Variants in ALK observed in about 807,000 individuals in gnomAD.
The protein encoded by ALK is ALK tyrosine kinase receptor.
Under a neutral mutation model 163.1 loss-of-function variants are expected in ALK, and 74 were observed. That is an observed-to-expected ratio of 0.45 (90% confidence interval 0.38 to 0.55). The LOEUF (loss-of-function observed/expected upper bound fraction) is 0.55. Ranked by LOEUF, ALK falls within the 20% of genes least tolerant of loss-of-function variation. The pLI is 0.00. For missense variants in ALK, 2,063 were observed against 2,105.3 expected (o/e 0.98, Z 0.39); for synonymous variants, 960 against 843.2 (o/e 1.14, Z -2.40).
intron 1 of ALK, among the ~76,000 whole-genome samples, chr2:29,849,392 G>C (rs1187711001): frequency 6.6e-6 from 1 of 152,202 alleles, no homozygotes; most frequent in Non-Finnish European, 1.5e-5. Flanking sequence ...GGTAAGAAGA[G>C]GGACTACCCA....
chr2:29,478,031 CCTT>C (rs1293387084), intron 4 of ALK, among the ~76,000 whole-genome samples: 2 of 152,230 alleles, frequency 1.3e-5, no homozygotes, highest in Non-Finnish European at 1.5e-5. Context: ...AAAGCACTGT[CCTT>C]CTTGATGTAT....
Position 29,913,693 on chromosome 2 carries a change from T to G in ALK, c.667+6300A>C, listed in dbSNP as rs535119549. ...CCACCATGTACAAAATGTTCTGTGG[T>G]TCTTAGCCTCTTTTTTTAGATTGAG... On this transcript the variant is annotated intron_variant, in intron 1 of 28. Coordinates refer to ENST00000389048, the MANE Select transcript of ALK (RefSeq NM_004304.5). Among the ~76,000 whole-genome samples the G allele has an allele frequency of 1.1e-4, 17 of 152,278 alleles. No individual in the cohort carries two copies. In the South Asian group the frequency reaches 3.5e-3, roughly 32 times the overall value.
chr2:29,316,765 CA>C (rs1169225144), intron 8 of ALK, among the ~76,000 whole-genome samples: 1 of 152,094 alleles, frequency 6.6e-6, no homozygotes, highest in African/African-American at 2.4e-5. Flanking sequence ...TTCTCAAACA[CA>C]ATTTAATTTA....
chr2:29,525,778 C>G (rs1573429329), intron 4 of ALK, among the ~76,000 whole-genome samples: 2 of 100,430 alleles, frequency 2.0e-5, no homozygotes, highest in Admixed American at 1.6e-4. Context: ...GTGACAAGAG[C>G]AAGACTCCAT....
chr2:29,627,195 G>A lies in ALK; in HGVS notation c.952+67655C>T, dbSNP rs184154308. ...ACAGCCGCATTTTCTAGACCACCAC[G>A]GTTCTGTTTTGTAAAAGATTTCTCT... On this transcript the variant is annotated intron_variant, in intron 3 of 28. Transcript: ENST00000389048. 7.2e-4 allele frequency among the ~76,000 whole-genome samples: 109 copies of A among 152,230 alleles called. No homozygotes were observed. The South Asian group carries it at 9.3e-3, about 13-fold the overall frequency.
Position 29,496,159 on chromosome 2 carries a change from A to C in ALK, c.1154+35756T>G, listed in dbSNP as rs530357515. On this transcript the variant is annotated intron_variant, in intron 4 of 28. Coordinates refer to ENST00000389048, the MANE Select transcript of ALK (RefSeq NM_004304.5). The stretch of plus-strand genomic sequence containing the variant: ...TTTTAAACACTGTAATGTTCTTTAT[A>C]AAATGCAAAAGATTATAGCTATTCA... Among the ~76,000 whole-genome samples the C allele has an allele frequency of 9.8e-4, 149 of 152,380 alleles. 1 individual carries two copies. Among genetic ancestry groups the C allele is most frequent in the South Asian group, 2.5e-3 (12 of 4,830 alleles).
intron 15 of ALK, 26 bp from the exon 16 acceptor site, chr2:29,229,092 G>C: frequency 1.2e-6 from 2 of 1,608,996 alleles, no homozygotes; most frequent in Middle Eastern, 1.7e-4. Context: ...GGGAACCTGC[G>C]TGAGGATGCT....
At chr2:29,259,275 A>G in intron 11 of ALK, among the ~76,000 whole-genome samples, 1 of 152,116 alleles carries the variant, frequency 6.6e-6, no homozygotes, top group South Asian at 2.1e-4. Context: ...TTTTTTTTGT[A>G]TATGTTCTTT....
At chr2:29,754,556 G>T (rs1316066049) in intron 1 of ALK, among the ~76,000 whole-genome samples, 1 of 152,074 alleles carries the variant, frequency 6.6e-6, no homozygotes, top group Non-Finnish European at 1.5e-5. Context: ...CAGATGTGGT[G>T]GTGCATGCCT....
At chr2:29,531,721 G>C (rs1277408343) in intron 4 of ALK, among the ~76,000 whole-genome samples, 194 bp downstream of exon 4, 1 of 152,152 alleles carries the variant, frequency 6.6e-6, no homozygotes, top group Non-Finnish European at 1.5e-5. Context: ...CCACTAGCCA[G>C]GGAAGTCAGA....
intron 3 of ALK, among the ~76,000 whole-genome samples, chr2:29,614,271 T>C (rs1194837602): frequency 6.6e-6 from 1 of 152,222 alleles, no homozygotes; most frequent in African/African-American, 2.4e-5. Context: ...ATCCCAGCTC[T>C]GCCACTTGCC....
Position 29,532,006 on chromosome 2 carries a change from G to A in ALK, c.1063C>T (p.Leu355=). ...CTLAVSVHRH[L]QPSGRYIAQL... is the part of the protein sequence containing the mutation. ...GCAATGTACCTTCCAGAGGGCTGCAGGTGCCTGTGCACCGAGACGGCCAGT... is the reference window on the plus strand; with the variant it reads ...GCAATGTACCTTCCAGAGGGCTGCAAGTGCCTGTGCACCGAGACGGCCAGT... The change falls in exon 4 of 29, where the codon CTG becomes TTG. Residue 355 remains leucine, a synonymous_variant. Coordinates refer to ENST00000389048, the MANE Select transcript of ALK (RefSeq NM_004304.5). 6.2e-7 allele frequency: 1 copy of A among 1,614,190 alleles called. No individual in the cohort carries two copies. The highest frequency in any genetic ancestry group is 1.1e-5 in the South Asian group (1 of 91,078).
At chr2:29,534,775 C>A (rs1673209371) in intron 3 of ALK, among the ~76,000 whole-genome samples, 1 of 152,204 alleles carries the variant, frequency 6.6e-6, no homozygotes, top group Admixed American at 6.5e-5. Context: ...TCCTCTCCAC[C>A]CTTGGGTGTG....
At chr2:29,785,520 G>T (rs548318395) in intron 1 of ALK, among the ~76,000 whole-genome samples, 1 of 152,100 alleles carries the variant, frequency 6.6e-6, no homozygotes, top group Non-Finnish European at 1.5e-5. Context: ...AAGATGATTC[G>T]ATTTACAAAA....
At chr2:29,783,438 A>G (rs548875526) in intron 1 of ALK, among the ~76,000 whole-genome samples, 1 of 152,340 alleles carries the variant, frequency 6.6e-6, no homozygotes, top group African/African-American at 2.4e-5. Flanking sequence ...CAAACTCAGT[A>G]AGTGTCAACC....
chr2:29,500,244 C>T (rs920712355), intron 4 of ALK, among the ~76,000 whole-genome samples: 4 of 152,132 alleles, frequency 2.6e-5, no homozygotes, highest in Admixed American at 6.5e-5. Context: ...TGAAAGGTTT[C>T]GCACCATCCC....
intron 3 of ALK, among the ~76,000 whole-genome samples, chr2:29,615,206 G>A (rs1276378015): frequency 6.6e-6 from 1 of 151,922 alleles, no homozygotes; most frequent in Non-Finnish European, 1.5e-5. Context: ...CTTCCTACTT[G>A]GTTACATGAT....
chr2:29,860,837 A>G (rs1218383504), intron 1 of ALK, among the ~76,000 whole-genome samples: 3 of 152,210 alleles, frequency 2.0e-5, no homozygotes, highest in Non-Finnish European at 2.9e-5. Flanking sequence ...TTAAAACACA[A>G]CATACCAAAA....
intron 6 of ALK, among the ~76,000 whole-genome samples, chr2:29,328,057 C>T (rs1316191397): frequency 3.9e-5 from 6 of 152,132 alleles, no homozygotes; most frequent in African/African-American, 1.4e-4. Context: ...TCCAATGTCA[C>T]ATTAGAGCTG....
Sources: gnomAD v4.1 joint callset for allele counts (sites outside exome capture counted in the v4.1 genomes callset) on GRCh38, gnomAD v4.1.1 for gene constraint, MANE v1.5 for transcripts, NCBI Gene and HGNC (gene_info 2026-07-23, HGNC 2026-07-21) for gene names.